The following TFB1M variants were observed in gnomAD, a reference collection of about 807,000 sequenced individuals.
TFB1M encodes dimethyladenosine transferase 1, mitochondrial.
TFB1M carries 27 observed loss-of-function variants against 31.1 expected under a neutral mutation model. The ratio of observed to expected loss-of-function variants is 0.87; its 90% CI spans 0.64 to 1.20. TFB1M has a LOEUF of 1.20. TFB1M is among the 50% of genes most tolerant of loss of function. The pLI is 0.00. For synonymous variants in TFB1M, 166 were observed against 151.8 expected, an observed-to-expected ratio of 1.09 and a Z score of -0.69; for missense variants, 394 against 418.7, an observed-to-expected ratio of 0.94 and a Z score of 0.51.
At chr6:155,270,775 A>G (rs1294237483) in intron 5 of TFB1M, among the ~76,000 whole-genome samples, 3 of 152,220 alleles carry the variant, frequency 2.0e-5, no homozygotes, top group Non-Finnish European at 4.4e-5. Context: ...CCAGCGAAAC[A>G]AGCCAGGACG....
intron 1 of TFB1M, among the ~76,000 whole-genome samples, chr6:155,312,520 A>T (rs1440010556): frequency 1.3e-5 from 2 of 152,078 alleles, no homozygotes; most frequent in African/African-American, 4.8e-5. Context: ...TAAATTTAAT[A>T]CTCTCCTTCT....
At chr6:155,254,510 G>C (rs1783879204), downstream of TFB1M, 1 of 1,614,182 alleles carries the variant, frequency 6.2e-7, no homozygotes, top group Non-Finnish European at 8.5e-7. Context: ...ATTACCACTG[G>C]AGAAAACGTG....
chr6:155,302,991 G>C (rs1777504706), intron 2 of TFB1M, among the ~76,000 whole-genome samples: 1 of 152,174 alleles, frequency 6.6e-6, no homozygotes, highest in Non-Finnish European at 1.5e-5. Flanking sequence ...GATCTCGTGA[G>C]AGCTCACTGA....
chr6:155,240,559 G>T, the TFB1M span: 2 of 1,614,068 alleles, frequency 1.2e-6, no homozygotes, highest in Admixed American at 1.7e-5. Context: ...CACTGTGCAG[G>T]AGTTTTAACG....
chr6:155,239,004 CTT>C, the TFB1M span, among the ~76,000 whole-genome samples: 1 of 152,142 alleles, frequency 6.6e-6, no homozygotes, highest in African/African-American at 2.4e-5. Flanking sequence ...AGAGTGGCCT[CTT>C]TTTATTTTGG....
At chr6:155,302,307 G>C (rs892531009) in intron 2 of TFB1M, among the ~76,000 whole-genome samples, 1 of 152,098 alleles carries the variant, frequency 6.6e-6, no homozygotes, top group Non-Finnish European at 1.5e-5. Context: ...ATAAATATTT[G>C]TAACAGGGCT....
intron 5 of TFB1M, among the ~76,000 whole-genome samples, chr6:155,269,128 T>C (rs566583652): frequency 2.6e-5 from 4 of 151,986 alleles, no homozygotes; most frequent in South Asian, 2.1e-4. Flanking sequence ...TTTGTTTCCA[T>C]AGCTTATAAA....
At chr6:155,240,710 G>A in the TFB1M span, 1 of 1,608,698 alleles carries the variant, frequency 6.2e-7, no homozygotes, top group Non-Finnish European at 8.5e-7. Context: ...CTACGTGAAG[G>A]TAAGGGAAGA....
the TFB1M span, among the ~76,000 whole-genome samples, chr6:155,241,399 A>G: frequency 6.6e-6 from 1 of 152,158 alleles, no homozygotes; most frequent in African/African-American, 2.4e-5. Context: ...GCAGCGCGGC[A>G]CGGTGCGGTG....
chr6:155,280,634 G>A (rs1018304791), intron 5 of TFB1M, among the ~76,000 whole-genome samples: 1 of 152,164 alleles, frequency 6.6e-6, no homozygotes, highest in African/African-American at 2.4e-5. Flanking sequence ...AGACAGAAGA[G>A]TCTTAGTTAA....
intron 1 of TFB1M, among the ~76,000 whole-genome samples, chr6:155,312,316 T>C (rs546425497): frequency 6.6e-6 from 1 of 152,342 alleles, no homozygotes; most frequent in East Asian, 1.9e-4. Flanking sequence ...CCATCTTATC[T>C]ATTATGATGG....
rs202138967 is a variant in TFB1M at position 155,288,105 on chromosome 6, T to C, written c.547-2828A>G. 2.6e-5 allele frequency among the ~76,000 whole-genome samples: 4 copies of C among 152,180 alleles called. No homozygotes were observed. In the East Asian group the frequency reaches 7.7e-4, roughly 29 times the overall value. On this transcript the variant is annotated intron_variant, in intron 4 of 6. Transcript: ENST00000367166. Reference sequence around the variant, plus strand: ...GATGAAAACCATATAATTTACCTTATTAGAGCTTTGCCTTAAGGAAGATTA... The same window carrying C: ...GATGAAAACCATATAATTTACCTTACTAGAGCTTTGCCTTAAGGAAGATTA...
intron 4 of TFB1M, among the ~76,000 whole-genome samples, chr6:155,287,819 T>C (rs1336883765): frequency 6.6e-6 from 1 of 152,186 alleles, no homozygotes; most frequent in Non-Finnish European, 1.5e-5. Context: ...AAAATGTATC[T>C]TGCCTCTCTG....
In TFB1M at chr6:155,257,262, T is replaced by A; in HGVS notation, c.*574A>T. On this transcript the variant is annotated 3_prime_UTR_variant, in exon 7 of 7. Transcript: ENST00000367166. The stretch of plus-strand genomic sequence containing the variant: ...TATACATTTTCCCACAAAATGGTTG[T>A]AAAGATTTAAGTTATTTTAATTTAT... 2 of 942,654 alleles carry A rather than the reference T, an allele frequency of 2.1e-6. No homozygotes were observed. Among genetic ancestry groups the A allele is most frequent in the Non-Finnish European group, 3.1e-6 (2 of 649,758 alleles). The allele number at this position is 942,654 out of a possible 1,614,324, so 58.4% of individuals were successfully genotyped here.
At chr6:155,297,926 G>A (rs947441935) in intron 3 of TFB1M, among the ~76,000 whole-genome samples, 2 of 152,204 alleles carry the variant, frequency 1.3e-5, no homozygotes, top group Non-Finnish European at 2.9e-5. Flanking sequence ...CCAGAGACAT[G>A]GGGGCAGCCA....
At chr6:155,280,707 C>T (rs1785458283) in intron 5 of TFB1M, among the ~76,000 whole-genome samples, 1 of 152,176 alleles carries the variant, frequency 6.6e-6, no homozygotes, top group African/African-American at 2.4e-5. Context: ...GGTAAATATA[C>T]AGCAGAAATA....
the TFB1M span, among the ~76,000 whole-genome samples, chr6:155,234,132 G>A: frequency 6.6e-6 from 1 of 151,898 alleles, no homozygotes; most frequent in East Asian, 1.9e-4. Context: ...TGAAAGCTGA[G>A]GCCTGTGATG....
chr6:155,296,296 G>GT (rs1398749550), intron 4 of TFB1M, among the ~76,000 whole-genome samples: 2 of 151,824 alleles, frequency 1.3e-5, no homozygotes, highest in African/African-American at 4.8e-5. Flanking sequence ...GTCTTGCTCT[G>GT]TTACCCAAGC....
chr6:155,298,231 G>C (rs1437487190), intron 3 of TFB1M, among the ~76,000 whole-genome samples: 1 of 152,092 alleles, frequency 6.6e-6, no homozygotes, highest in Admixed American at 6.5e-5. Context: ...AAAATGGTTA[G>C]TTTATTTGCA....
Sources: gnomAD v4.1 joint callset for allele counts (sites outside exome capture counted in the v4.1 genomes callset) on GRCh38, gnomAD v4.1.1 for gene constraint, MANE v1.5 for transcripts, NCBI Gene and HGNC (gene_info 2026-07-23, HGNC 2026-07-21) for gene names.